Variants in LEKR1 observed in about 807,000 individuals in gnomAD.
LEKR1 encodes leucine, glutamate and lysine rich 1.
LEKR1 carries 59 observed loss-of-function variants against 72.4 expected under a neutral mutation model. That is an observed-to-expected ratio of 0.82 (90% CI 0.66 to 1.01). The LOEUF is 1.01. LEKR1 is among the 50% of genes least tolerant of loss of function. The probability of loss-of-function intolerance (pLI) is 0.00; values close to 1 mark genes in which losing one functional copy is unlikely to be tolerated. For missense variants in LEKR1, 728 were observed against 759.2 expected, an observed-to-expected ratio of 0.96 and a Z score of 0.48; for synonymous variants, 257 against 263.2, an observed-to-expected ratio of 0.98 and a Z score of 0.23.
intron 12 of LEKR1, among the ~76,000 whole-genome samples, chr3:157,041,735 A>G (rs1735358664): frequency 6.6e-6 from 1 of 152,054 alleles, no homozygotes; most frequent in African/African-American, 2.4e-5. Context: ...ATGGCCAAAG[A>G]TAATTTTATC....
At chr3:156,930,721 A>G (rs13074300) in intron 5 of LEKR1, among the ~76,000 whole-genome samples, 1 of 152,170 alleles carries the variant, frequency 6.6e-6, no homozygotes, top group Non-Finnish European at 1.5e-5. Context: ...ATATGGATCA[A>G]CAAAGATGAA....
At chr3:156,835,043 T>A (rs1712923048) in intron 2 of LEKR1, among the ~76,000 whole-genome samples, 1 of 152,186 alleles carries the variant, frequency 6.6e-6, no homozygotes, top group African/African-American at 2.4e-5. Flanking sequence ...AGGAAATGGA[T>A]CTGGTAGTTG....
At chr3:156,942,458 TAATC>T (rs760862509) in intron 5 of LEKR1, 67 bp from the exon 6 acceptor site, 14 of 468,222 alleles carry the variant, frequency 3.0e-5, no homozygotes, top group Admixed American at 5.0e-5. Flanking sequence ...TAAAAGAAAC[TAATC>T]AATCTTTAGA....
intron 12 of LEKR1, among the ~76,000 whole-genome samples, chr3:157,044,387 C>T (rs1735591145): frequency 6.6e-6 from 1 of 152,198 alleles, no homozygotes. Flanking sequence ...ATAGACAAAA[C>T]ATAGGTAACA....
intron 12 of LEKR1, among the ~76,000 whole-genome samples, chr3:157,035,036 T>A (rs954595220): frequency 1.3e-5 from 2 of 152,200 alleles, no homozygotes; most frequent in Admixed American, 6.6e-5. Context: ...CAGCAGAAGA[T>A]ACAACTTGCT....
At chr3:156,922,590 G>C (rs973573925) in intron 4 of LEKR1, among the ~76,000 whole-genome samples, 1 of 152,020 alleles carries the variant, frequency 6.6e-6, no homozygotes, top group African/African-American at 2.4e-5. Flanking sequence ...TTAATCACTA[G>C]CCTCCAGCAA....
intron 10 of LEKR1, among the ~76,000 whole-genome samples, chr3:157,013,826 T>C (rs1733094975): frequency 6.6e-6 from 1 of 152,120 alleles, no homozygotes; most frequent in Admixed American, 6.6e-5. Flanking sequence ...AAGAATGAAA[T>C]GTTCTTTTTA....
intron 3 of LEKR1, among the ~76,000 whole-genome samples, chr3:156,872,388 T>G (rs1347454036): frequency 6.6e-6 from 1 of 152,054 alleles, no homozygotes; most frequent in African/African-American, 2.4e-5. Flanking sequence ...AAATAAACTT[T>G]TCATTTCATT....
chr3:156,885,195 T>A (rs907542127), intron 3 of LEKR1, among the ~76,000 whole-genome samples: 4 of 152,154 alleles, frequency 2.6e-5, no homozygotes, highest in Non-Finnish European at 2.9e-5. Context: ...CTGTATTTTT[T>A]AAAAAATTTC....
intron 12 of LEKR1, among the ~76,000 whole-genome samples, chr3:157,031,940 G>A (rs549131283): frequency 9.2e-5 from 14 of 152,100 alleles, no homozygotes; most frequent in African/African-American, 2.7e-4. Context: ...AGCAAGGGTC[G>A]CAAAGCAGAG....
intron 6 of LEKR1, among the ~76,000 whole-genome samples, chr3:156,961,841 G>A (rs1728160187): frequency 6.6e-6 from 1 of 152,130 alleles, no homozygotes; most frequent in East Asian, 1.9e-4. Flanking sequence ...GAATAGGCAA[G>A]ATAAAATGTA....
intron 3 of LEKR1, among the ~76,000 whole-genome samples, chr3:156,868,245 A>G (rs16826877): frequency 0.066 from 10,091 of 152,182 alleles, 406 homozygotes; most frequent in African/African-American, 0.11. Flanking sequence ...CTTTGCATCT[A>G]TGTGGTTTCA....
intron 4 of LEKR1, among the ~76,000 whole-genome samples, chr3:156,926,640 A>G (rs1408945514): frequency 6.6e-6 from 1 of 151,768 alleles, no homozygotes; most frequent in Non-Finnish European, 1.5e-5. Flanking sequence ...TCACTTTTCC[A>G]TTTCTCCAAC....
chr3:156,964,410 A>G (rs1163994985), intron 6 of LEKR1, among the ~76,000 whole-genome samples: 1 of 152,108 alleles, frequency 6.6e-6, no homozygotes, highest in Non-Finnish European at 1.5e-5. Flanking sequence ...AAATATTATG[A>G]TAAACATCCT....
At chr3:156,989,080 T>C (rs527447677) in intron 7 of LEKR1, among the ~76,000 whole-genome samples, 3 of 152,302 alleles carry the variant, frequency 2.0e-5, no homozygotes, top group African/African-American at 7.2e-5. Context: ...TCCACCTGCC[T>C]TGGCTCCCAA....
At chr3:156,878,566 T>G (rs996565516) in intron 3 of LEKR1, among the ~76,000 whole-genome samples, 17 of 152,242 alleles carry the variant, frequency 1.1e-4, no homozygotes, top group African/African-American at 4.1e-4. Context: ...TCTTGGAGAA[T>G]GTTCCATGTG....
intron 10 of LEKR1, among the ~76,000 whole-genome samples, chr3:157,022,462 T>C (rs961687660): frequency 2.6e-5 from 4 of 152,038 alleles, no homozygotes; most frequent in African/African-American, 4.8e-5. Context: ...CATAGAGAAA[T>C]GGATGCAAAG....
At chr3:156,916,204 G>C (rs1723628337) in intron 3 of LEKR1, among the ~76,000 whole-genome samples, 1 of 151,748 alleles carries the variant, frequency 6.6e-6, no homozygotes, top group Admixed American at 6.6e-5. Context: ...GATGCTTTTG[G>C]CTTTGTTCCT....
At chr3:157,021,985 A>T (rs558272634) in intron 10 of LEKR1, among the ~76,000 whole-genome samples, 1 of 152,172 alleles carries the variant, frequency 6.6e-6, no homozygotes, top group African/African-American at 2.4e-5. Context: ...TATATTCTTG[A>T]CTTATCTATG....
Sources: allele counts gnomAD v4.1 joint callset (sites outside exome capture counted in the v4.1 genomes callset), GRCh38; gene constraint gnomAD v4.1.1; transcripts MANE v1.5; gene names NCBI Gene and HGNC (gene_info 2026-07-23, HGNC 2026-07-21).